ITGA6: variants seen among roughly 807,000 people sequenced by gnomAD.
ITGA6 encodes the protein integrin subunit alpha 6, also known as integrin alpha-6.
In ITGA6, 63 loss-of-function variants were observed where a neutral mutation model predicts 133.6. That is an observed-to-expected ratio of 0.47 (90% CI 0.38 to 0.58). The LOEUF (loss-of-function observed/expected upper bound fraction) is 0.58, where lower values mean the gene tolerates loss of function less well. Ranked by LOEUF, ITGA6 falls within the 20% of genes least tolerant of loss-of-function variation. The pLI, the probability that ITGA6 is intolerant of heterozygous loss-of-function variation, is 0.00. For synonymous variants in ITGA6, 434 were observed against 482.0 expected (o/e 0.90, Z 1.30); for missense variants, 1,068 against 1,309.4 (o/e 0.82, Z 2.85).
At chr2:172,444,212 C>T (rs1182033527) in intron 1 of ITGA6, among the ~76,000 whole-genome samples, 1 of 152,164 alleles carries the variant, frequency 6.6e-6, no homozygotes, top group African/African-American at 2.4e-5. Context: ...TCCTTGATAT[C>T]TCTAATTATG....
intron 1 of ITGA6, among the ~76,000 whole-genome samples, chr2:172,449,251 AC>A (rs897237248): frequency 1.3e-4 from 20 of 152,090 alleles, no homozygotes; most frequent in African/African-American, 4.8e-4. Flanking sequence ...GAAGATACTT[AC>A]CCCCCAATTG....
intron 1 of ITGA6, among the ~76,000 whole-genome samples, chr2:172,431,895 G>C (rs968243377): frequency 6.6e-6 from 1 of 152,182 alleles, no homozygotes; most frequent in East Asian, 1.9e-4. Flanking sequence ...GGGAAGTCAG[G>C]ATAAATGCTT....
intron 1 of ITGA6, among the ~76,000 whole-genome samples, chr2:172,448,692 T>G (rs1684867217): frequency 6.6e-6 from 1 of 152,222 alleles, no homozygotes; most frequent in South Asian, 2.1e-4. Flanking sequence ...AGCCTCAGCC[T>G]TTTAACCAAC....
chr2:172,474,028 G>A (rs1427675692), intron 5 of ITGA6, 27 bp from the exon 6 acceptor site: 2 of 1,496,330 alleles, frequency 1.3e-6, no homozygotes, highest in African/African-American at 1.4e-5. Flanking sequence ...ATTGATGTGA[G>A]GGGCTCTATA....
At chr2:172,475,506 T>C (rs375897187) in intron 7 of ITGA6, 91 bp from the exon 8 acceptor site, 21 of 831,944 alleles carry the variant, frequency 2.5e-5, no homozygotes, top group East Asian at 1.2e-4. Context: ...AACAAATAAA[T>C]AATAGTGCTT....
At chr2:172,490,941 T>G in intron 20 of ITGA6, 83 bp from the exon 21 acceptor site, 2 of 803,148 alleles carry the variant, frequency 2.5e-6, no homozygotes, top group South Asian at 1.4e-5. Flanking sequence ...TGGCACTGTT[T>G]GGGAGGATAT....
chr2:172,501,718 T>C (rs1687353169), intron 24 of ITGA6, 54 bp from the exon 25 acceptor site: 1 of 1,583,768 alleles, frequency 6.3e-7, no homozygotes, highest in Admixed American at 1.7e-5. Context: ...GTTCTGTTGT[T>C]TGGCTCTTAT....
At chr2:172,466,685 A>G (rs1685687792) in intron 2 of ITGA6, among the ~76,000 whole-genome samples, 1 of 152,216 alleles carries the variant, frequency 6.6e-6, no homozygotes, top group South Asian at 2.1e-4. Flanking sequence ...GAAGCTGGTA[A>G]AATACACAGA....
At chr2:172,486,771 C>A (rs1686697336) in intron 13 of ITGA6, among the ~76,000 whole-genome samples, 1 of 152,184 alleles carries the variant, frequency 6.6e-6, no homozygotes, top group Non-Finnish European at 1.5e-5. Context: ...AAACCCAAAT[C>A]TGTGTGGCTG....
chr2:172,460,671 C>G (rs1574352504), intron 1 of ITGA6, among the ~76,000 whole-genome samples: 1 of 151,984 alleles, frequency 6.6e-6, no homozygotes, highest in East Asian at 1.9e-4. Context: ...TTTTTGATTT[C>G]CTATCATTTG....
At chr2:172,444,742 C>G (rs369680634) in intron 1 of ITGA6, among the ~76,000 whole-genome samples, 64 of 137,556 alleles carry the variant, frequency 4.7e-4, no homozygotes, top group African/African-American at 1.4e-3. Context: ...TAGGAACCCC[C>G]CTAATCGCCA....
Position 172,476,418 on chromosome 2 carries a change from T to A in ITGA6, c.1293T>A (p.Tyr431Ter). The A allele has an allele frequency of 6.2e-7, 1 of 1,607,414 alleles. No homozygotes were observed. The highest frequency in any genetic ancestry group is 8.5e-7 in the Non-Finnish European group (1 of 1,174,022). The change falls in exon 9 of 26, where the codon TAT (tyrosine) becomes TAA (stop). Residue 431 changes from tyrosine (Y) to a stop codon, truncating the protein, a stop_gained. Transcript: ENST00000684293. LOFTEE classifies it high-confidence loss of function. ...PTQVLKGISP[Y>*]FGYSIAGNMD... is the part of the protein sequence containing the mutation. The stretch of plus-strand genomic sequence containing the variant: ...AGGTTCTCAAGGGTATATCACCTTA[T>A]TTTGGATATTCAATTGCTGGAAACA...
At chr2:172,492,077 C>G (rs192681899) in intron 23 of ITGA6, among the ~76,000 whole-genome samples, 4 of 152,298 alleles carry the variant, frequency 2.6e-5, no homozygotes, top group Non-Finnish European at 4.4e-5. Flanking sequence ...TTGAGTTATG[C>G]GTCACATTGG....
intron 1 of ITGA6, among the ~76,000 whole-genome samples, chr2:172,461,660 C>T (rs1338210693): frequency 6.6e-6 from 1 of 152,232 alleles, no homozygotes; most frequent in African/African-American, 2.4e-5. Context: ...CAGAGAGTAC[C>T]TGCTTTTCAC....
upstream of ITGA6, chr2:172,427,492 G>A (rs1428023654): frequency 1.6e-5 from 17 of 1,096,182 alleles, no homozygotes; most frequent in Non-Finnish European, 1.8e-5. Context: ...GCGGTGCGCC[G>A]GGCCGCGGGC....
intron 3 of ITGA6, 154 bp from the exon 4 acceptor site, chr2:172,468,971 A>G (rs778708082): frequency 6.6e-6 from 5 of 756,624 alleles, no homozygotes; most frequent in African/African-American, 1.7e-5. Context: ...ACTTTGGGGA[A>G]TATTTGCTGG....
intron 1 of ITGA6, among the ~76,000 whole-genome samples, chr2:172,453,143 TTTACTCAGAGA>T (rs772333906): frequency 6.6e-6 from 1 of 152,142 alleles, no homozygotes; most frequent in Non-Finnish European, 1.5e-5. Flanking sequence ...CTACATCACT[TTTACTCAGAGA>T]TTTGCAGACA....
intron 1 of ITGA6, among the ~76,000 whole-genome samples, chr2:172,429,840 T>G (rs1684036586): frequency 6.6e-6 from 1 of 152,242 alleles, no homozygotes; most frequent in Non-Finnish European, 1.5e-5. Context: ...TTATGTCACG[T>G]GCTGCCCACC....
chr2:172,445,375 C>T (rs1160682967), intron 1 of ITGA6, among the ~76,000 whole-genome samples: 2 of 143,482 alleles, frequency 1.4e-5, no homozygotes, highest in Admixed American at 6.9e-5. Flanking sequence ...AAAGGCCGGG[C>T]GCGGTGGCTC....
Sources: gnomAD v4.1 joint callset for allele counts (sites outside exome capture counted in the v4.1 genomes callset) on GRCh38, gnomAD v4.1.1 for gene constraint, MANE v1.5 for transcripts, NCBI Gene and HGNC (gene_info 2026-07-23, HGNC 2026-07-21) for gene names.